VAV2: variants seen among roughly 807,000 people sequenced by gnomAD.
VAV2 encodes the protein vav guanine nucleotide exchange factor 2.
VAV2 carries 67 observed loss-of-function variants against 132.5 expected under a neutral mutation model. The ratio of observed to expected loss-of-function variants is 0.51; its 90% CI spans 0.42 to 0.62. VAV2 has a LOEUF of 0.62. Ranked by LOEUF, VAV2 falls within the 20% of genes least tolerant of loss-of-function variation. The pLI is 0.00. For missense variants in VAV2, 938 were observed against 1,153.6 expected, an observed-to-expected ratio of 0.81 and a Z score of 2.71; for synonymous variants, 492 against 443.5, an observed-to-expected ratio of 1.11 and a Z score of -1.37.
In VAV2 at chr9:133,985,226, TTGTGTGTGTGTGTGTGTGTGTGTGTG is replaced by T. The variant is rs59748267; in HGVS notation, c.204+6823_204+6848del. Among the ~76,000 whole-genome samples the T allele has an allele frequency of 7.3e-5, 10 of 137,244 alleles. No individual in the cohort carries two copies. The South Asian group carries it at 1.6e-3, about 21-fold the overall frequency. 90.0% of individuals were successfully genotyped at this position (137,244 alleles called of 152,430 possible). A position where few individuals can be genotyped will look rare whatever the true frequency, so the allele number is the denominator to read the frequency against. On this transcript the variant is annotated intron_variant, in intron 1 of 29. Coordinates refer to ENST00000371850, the MANE Select transcript of VAV2 (RefSeq NM_001134398.2). ...GCACACCTCATCCTATCTTGCCTTA[TTGTGTGTGTGTGTGTGTGTGTGTGTG>T]TGTGTGTGTGTGTGTGTGTGTGTTT...
In VAV2 at chr9:133,770,413, T is replaced by C. The variant is rs749677179; in HGVS notation, c.2312A>G (p.Glu771Gly). 2 of 1,614,102 alleles carry C rather than the reference T, an allele frequency of 1.2e-6. No homozygotes were observed. The highest frequency in any genetic ancestry group is 1.7e-6 in the Non-Finnish European group (2 of 1,179,972). ...GCTGGAGGCCCTGGAGGCCGAACGTTCCCGGGACTTGTAGGGGTACTTGAG... is the reference window on the plus strand; with the variant it reads ...GCTGGAGGCCCTGGAGGCCGAACGTCCCCGGGACTTGTAGGGGTACTTGAG... Reference protein sequence around the residue: ...TTLKYPYKSRERSASRASSRS... With the variant: ...TTLKYPYKSRGRSASRASSRS... Residue 771 changes from glutamate (E) to glycine (G), a missense_variant, in exon 27 of 30, where the codon GAA (glutamate) becomes GGA (glycine). Physicochemically the swap from Glu to Gly is moderately conservative, Grantham distance 98 (BLOSUM62 -2). Coordinates refer to ENST00000371850, the MANE Select transcript of VAV2 (RefSeq NM_001134398.2).
chr9:133,835,599 T>A (rs935152925), intron 3 of VAV2, among the ~76,000 whole-genome samples: 5 of 152,164 alleles, frequency 3.3e-5, no homozygotes, highest in African/African-American at 4.8e-5. Context: ...TCACTAAGGA[T>A]GGGACGGGAG....
chr9:133,872,605 G>A (rs1047700168), intron 2 of VAV2, among the ~76,000 whole-genome samples: 26 of 152,144 alleles, frequency 1.7e-4, no homozygotes, highest in African/African-American at 6.0e-4. Flanking sequence ...GAAGCCCCGG[G>A]GGTCAGAGTC....
chr9:133,780,635 C>T lies in VAV2; in HGVS notation c.1740+59G>A, dbSNP rs56374314. On this transcript the variant is annotated intron_variant, in intron 20 of 29. Coordinates refer to ENST00000371850, the MANE Select transcript of VAV2 (RefSeq NM_001134398.2). ...AGACAATTGGGTCTTTCTGGCTCTG[C>T]GCACACAGGGATGTGGCGGGGGTGG... 1.5e-4 allele frequency: 179 copies of T among 1,184,396 alleles called. No individual in the cohort carries two copies. The East Asian group carries it at 3.1e-3, about 20-fold the overall frequency. The allele number at this position is 1,184,396 out of a possible 1,614,324, so 73.4% of individuals were successfully genotyped here.
chr9:133,933,888 G>GGATGGATGGATGGGTA (rs1248568667), intron 2 of VAV2, among the ~76,000 whole-genome samples: 1 of 147,158 alleles, frequency 6.8e-6, no homozygotes. Flanking sequence ...GATGAATGAT[G>GGATGGATGGATGGGTA]GATGGATGGA....
intron 3 of VAV2, among the ~76,000 whole-genome samples, chr9:133,859,675 C>G (rs757787434): frequency 2.0e-5 from 3 of 151,204 alleles, no homozygotes; most frequent in Non-Finnish European, 4.4e-5. Flanking sequence ...AGTATAACCA[C>G]GCCACTGACA....
intron 16 of VAV2, 53 bp downstream of exon 16, chr9:133,787,193 A>C (rs1054651933): frequency 2.0e-6 from 3 of 1,518,426 alleles, no homozygotes; most frequent in African/African-American, 1.4e-5. Context: ...AAGTGCCAGC[A>C]CCAGGCTGGG....
At position 133,768,564 on chromosome 9, in the gene VAV2, C is replaced by T. The variant is rs934946882; in HGVS notation, c.2467G>A (p.Ala823Thr). Residue 823 changes from alanine (A) to threonine (T), a missense_variant, in exon 29 of 30, where the codon GCC (alanine) becomes ACC (threonine). By Grantham distance (58) the Ala-to-Thr change is moderately conservative. Transcript: ENST00000371850. The surrounding 1 kb of genome is among the most constrained non-coding windows in gnomAD (Gnocchi z 5.3). ...TCTCGGGCGGCAAAGTTATACCTGG[C>T]CACAGCTGTGCCGATGACGCGGGGC... Reference protein sequence around the residue: ...FTPRVIGTAVARYNFAARDMR... With the variant: ...FTPRVIGTAVTRYNFAARDMR... 23 of 1,614,008 alleles carry T rather than the reference C, an allele frequency of 1.4e-5. No homozygotes were observed. Among genetic ancestry groups the T allele is most frequent in the Non-Finnish European group, 1.9e-5 (23 of 1,179,974 alleles).
intron 1 of VAV2, among the ~76,000 whole-genome samples, chr9:133,975,008 C>T (rs527931629): frequency 7.2e-5 from 11 of 152,360 alleles, no homozygotes; most frequent in African/African-American, 2.6e-4. Flanking sequence ...ACCCAGCGTG[C>T]GTCATGGCCC....
intron 1 of VAV2, among the ~76,000 whole-genome samples, chr9:133,942,062 T>C (rs1332382731): frequency 2.0e-5 from 3 of 152,218 alleles, no homozygotes; most frequent in Non-Finnish European, 4.4e-5. Flanking sequence ...GTGATGGTGC[T>C]TGCCAACAAA....
At position 133,806,200 on chromosome 9, in the gene VAV2, G is replaced by A. The variant is rs373702181; in HGVS notation, c.736-19C>T. 527 of 1,605,018 alleles carry A rather than the reference G, an allele frequency of 3.3e-4. No individual in the cohort carries two copies. The highest frequency in any genetic ancestry group is 8.6e-4 in the Admixed American group (51 of 59,334). The stretch of plus-strand genomic sequence containing the variant: ...TCAGGTCCTGGGTTGAAAACCAGCC[G>A]TGAGTGCCTGGCCAGGCCCACCCAA... On this transcript the variant is annotated intron_variant, in intron 8 of 29. Coordinates refer to ENST00000371850, the MANE Select transcript of VAV2 (RefSeq NM_001134398.2).
intron 1 of VAV2, among the ~76,000 whole-genome samples, chr9:133,970,199 C>G (rs559251917): frequency 1.4e-4 from 22 of 152,318 alleles, no homozygotes; most frequent in Admixed American, 1.4e-3. Context: ...AAGGGCCAAT[C>G]ACTCACAAGT....
At chr9:133,845,928 A>C (rs1431625939) in intron 3 of VAV2, among the ~76,000 whole-genome samples, 2 of 152,202 alleles carry the variant, frequency 1.3e-5, no homozygotes, top group Non-Finnish European at 2.9e-5. Context: ...AGCCTGGTCA[A>C]GCTGCTCCAC....
chr9:133,864,530 C>G (rs2094964486), intron 2 of VAV2, among the ~76,000 whole-genome samples: 1 of 152,186 alleles, frequency 6.6e-6, no homozygotes, highest in Non-Finnish European at 1.5e-5. Context: ...ACCTCAGGTT[C>G]CAAGACACCG....
chr9:133,874,829 C>T (rs1174274853), intron 2 of VAV2, among the ~76,000 whole-genome samples: 1 of 152,206 alleles, frequency 6.6e-6, no homozygotes, highest in Non-Finnish European at 1.5e-5. Flanking sequence ...CCTCCCCAGC[C>T]CACAACTGCA....
At position 133,888,009 on chromosome 9, in the gene VAV2, T is replaced by A. The variant is rs1246699562; in HGVS notation, c.322-26577A>T. On this transcript the variant is annotated intron_variant, in intron 2 of 29. Transcript: ENST00000371850. The stretch of plus-strand genomic sequence containing the variant: ...CCAGTTCCCAAGCCCGAGCTTAGGC[T>A]GAAGGGTAGACCCTGCCCAGGAGCA... Among the ~76,000 whole-genome samples the A allele has an allele frequency of 2.0e-5, 3 of 152,318 alleles. 1 individual carries two copies. Among genetic ancestry groups the A allele is most frequent in the Middle Eastern group, 6.8e-3 (2 of 294 alleles).
intron 13 of VAV2, among the ~76,000 whole-genome samples, chr9:133,791,195 T>C (rs1191879015): frequency 1.3e-5 from 2 of 152,058 alleles, no homozygotes; most frequent in Non-Finnish European, 2.9e-5. Context: ...GGGTGGCGCA[T>C]CCCCTCTCCC....
In VAV2 at chr9:133,961,814, G is replaced by A. The variant is rs1841974919; in HGVS notation, c.205-22595C>T. Among the ~76,000 whole-genome samples the A allele has an allele frequency of 6.6e-6, 1 of 152,174 alleles. No homozygotes were observed. The highest frequency in any genetic ancestry group is 1.5e-5 in the Non-Finnish European group (1 of 68,022). Reference sequence around the variant, plus strand: ...GTACACCAGGGAGCCCACAGGAGCAGAGTGGCCCCTCGTTCTGGTGGCCAC... The same window carrying A: ...GTACACCAGGGAGCCCACAGGAGCAAAGTGGCCCCTCGTTCTGGTGGCCAC... On this transcript the variant is annotated intron_variant, in intron 1 of 29. Coordinates refer to ENST00000371850, the MANE Select transcript of VAV2 (RefSeq NM_001134398.2). The surrounding 1 kb of genome is among the most constrained non-coding windows in gnomAD (Gnocchi z 4.1).
intron 19 of VAV2, among the ~76,000 whole-genome samples, chr9:133,782,394 C>T (rs1456404272): frequency 2.6e-5 from 4 of 152,038 alleles, no homozygotes; most frequent in Admixed American, 6.5e-5. Context: ...AGGCTGCCTG[C>T]GGAATCCTCC....
Sources: allele counts gnomAD v4.1 joint callset (sites outside exome capture counted in the v4.1 genomes callset), GRCh38; gene constraint gnomAD v4.1.1; non-coding constraint Gnocchi (gnomAD v3.1); transcripts MANE v1.5; gene names NCBI Gene and HGNC (gene_info 2026-07-23, HGNC 2026-07-21).